Variants in SENP1 observed in about 807,000 individuals in gnomAD.
The protein encoded by SENP1 is SUMO specific peptidase 1.
In SENP1, 21 loss-of-function variants were observed where a neutral mutation model predicts 93.0. The ratio of observed to expected loss-of-function variants is 0.23; its 90% CI spans 0.16 to 0.33. SENP1 has a LOEUF of 0.33. Ranked by LOEUF, SENP1 falls within the 10% of genes least tolerant of loss-of-function variation. SENP1 has a pLI of 1.00. For missense variants in SENP1, 591 were observed against 758.7 expected, an observed-to-expected ratio of 0.78 and a Z score of 2.60; for synonymous variants, 256 against 259.6, an observed-to-expected ratio of 0.99 and a Z score of 0.13.
At chr12:48,092,108 A>C (rs998431080) in intron 4 of SENP1, among the ~76,000 whole-genome samples, 11 of 152,174 alleles carry the variant, frequency 7.2e-5, no homozygotes, top group African/African-American at 2.7e-4. Context: ...CAATCCAATA[A>C]AGTAATAAAG....
chr12:48,075,522 C>A (rs1420898082), intron 6 of SENP1, among the ~76,000 whole-genome samples: 1 of 152,104 alleles, frequency 6.6e-6, no homozygotes, highest in Non-Finnish European at 1.5e-5. Context: ...GAGTATCTTG[C>A]CAACAGTTTC....
chr12:48,055,813 ATAT>A lies in SENP1; in HGVS notation c.1408-6684_1408-6682del, dbSNP rs1286182834. Reference sequence around the variant, plus strand: ...ATTTAATATATAAATAAAATATATCATATTAATATATATTTTATATATTTATAT... The same window carrying A: ...ATTTAATATATAAATAAAATATATCATAATATATATTTTATATATTTATAT... On this transcript the variant is annotated intron_variant, in intron 13 of 17. Transcript: ENST00000549518. Among the ~76,000 whole-genome samples, 10 of 145,074 alleles carry A rather than the reference ATAT, an allele frequency of 6.9e-5. No individual in the cohort carries two copies. In the South Asian group the frequency reaches 1.1e-3, roughly 15 times the overall value.
intron 1 of SENP1, among the ~76,000 whole-genome samples, chr12:48,104,415 T>C (rs985875491): frequency 6.6e-6 from 1 of 152,112 alleles, no homozygotes; most frequent in Admixed American, 6.5e-5. Flanking sequence ...GAAAAACAAT[T>C]ATGTGTACAA....
intron 6 of SENP1, among the ~76,000 whole-genome samples, chr12:48,076,814 T>C (rs977386132): frequency 6.6e-6 from 1 of 151,862 alleles, no homozygotes; most frequent in African/African-American, 2.4e-5. Flanking sequence ...AGCCATTTTT[T>C]TTTATTATTT....
Position 48,045,221 on chromosome 12 carries a change from C to T in SENP1, c.*101G>A, listed in dbSNP as rs972218566. On this transcript the variant is annotated 3_prime_UTR_variant, in exon 18 of 18. Transcript: ENST00000549518. Reference sequence around the variant, plus strand: ...GCCTGGTCCAGGATCAAGGGTGTTACAACAGCAGAGGGCTGGGAGCAGCTG... The same window carrying T: ...GCCTGGTCCAGGATCAAGGGTGTTATAACAGCAGAGGGCTGGGAGCAGCTG... The T allele has an allele frequency of 9.6e-6, 9 of 941,722 alleles. No individual in the cohort carries two copies. In the South Asian group the frequency reaches 9.7e-5, roughly 10 times the overall value. The allele number at this position is 941,722 out of a possible 1,614,324, so 58.3% of individuals were successfully genotyped here.
chr12:48,054,991 C>T (rs1158481272), intron 13 of SENP1: 2 of 223,676 alleles, frequency 8.9e-6, no homozygotes, highest in Non-Finnish European at 1.9e-5. Context: ...GATGACACAA[C>T]TGCTGCCCTC....
intron 9 of SENP1, among the ~76,000 whole-genome samples, chr12:48,068,042 T>A (rs11168381): frequency 1.3e-5 from 2 of 152,178 alleles, no homozygotes; most frequent in Admixed American, 6.5e-5. Flanking sequence ...TTCTTTTTTT[T>A]ATTTTTATTT....
intron 13 of SENP1, among the ~76,000 whole-genome samples, chr12:48,057,375 G>A (rs1234636186): frequency 6.8e-6 from 1 of 146,656 alleles, no homozygotes. Flanking sequence ...GATTACAGGC[G>A]CCTGCCACCA....
rs147434939 is a variant in SENP1, at chr12:48,052,909, G to A, written c.1408-3777C>T. On this transcript the variant is annotated intron_variant, in intron 13 of 17. Transcript: ENST00000549518. ...TAGTTCTGATCGTTTTATTCTACAC[G>A]TAAGTGTACAGCAATGGTGGATTCA... 2.2e-4 allele frequency among the ~76,000 whole-genome samples: 33 copies of A among 152,200 alleles called. No homozygotes were observed. The East Asian group carries it at 5.8e-3, about 27-fold the overall frequency.
intron 4 of SENP1, among the ~76,000 whole-genome samples, chr12:48,093,375 C>T (rs1186029898): frequency 6.6e-6 from 1 of 151,214 alleles, no homozygotes; most frequent in Non-Finnish European, 1.5e-5. Flanking sequence ...CCTCCACCTC[C>T]TGGGTTCAAG....
At position 48,091,187 on chromosome 12, in the gene SENP1, C is replaced by T. The variant is rs150076614; in HGVS notation, c.221-2227G>A. On this transcript the variant is annotated intron_variant, in intron 4 of 17. Transcript: ENST00000549518. ...TGTCAAGACTGGGTGTGGTAGCTCA[C>T]GCCTGTAATCCCAACACTTTGGGAG... Among the ~76,000 whole-genome samples the T allele has an allele frequency of 1.2e-3, 180 of 152,222 alleles. 1 individual carries two copies. Among genetic ancestry groups the T allele is most frequent in the East Asian group, 4.2e-3 (22 of 5,180 alleles).
intron 6 of SENP1, among the ~76,000 whole-genome samples, chr12:48,078,433 T>G (rs1267228793): frequency 6.7e-6 from 1 of 150,312 alleles, no homozygotes; most frequent in African/African-American, 2.4e-5. Flanking sequence ...ACACATACAC[T>G]GTATTCATTT....
At chr12:48,078,427 A>G in intron 6 of SENP1, among the ~76,000 whole-genome samples, 1 of 150,640 alleles carries the variant, frequency 6.6e-6, no homozygotes, top group Non-Finnish European at 1.5e-5. Flanking sequence ...ACACATACAC[A>G]TACACTGTAT....
chr12:48,105,107 C>A, intron 1 of SENP1: 1 of 218,084 alleles, frequency 4.6e-6, no homozygotes, highest in South Asian at 6.1e-5. Flanking sequence ...CCAGAATAAC[C>A]AATTATAACA....
intron 4 of SENP1, among the ~76,000 whole-genome samples, chr12:48,089,778 C>T (rs1285498511): frequency 2.0e-5 from 3 of 152,182 alleles, no homozygotes; most frequent in Admixed American, 6.5e-5. Context: ...AGTTATGGAA[C>T]TCTAAGGAGC....
chr12:48,055,645 G>C (rs1414064921), intron 13 of SENP1: 1 of 151,862 alleles, frequency 6.6e-6, no homozygotes, highest in East Asian at 1.9e-4. Flanking sequence ...CTTGAAATGT[G>C]ACTAATCCAA....
intron 8 of SENP1, among the ~76,000 whole-genome samples, chr12:48,073,667 G>A (rs569941211): frequency 2.0e-5 from 3 of 152,254 alleles, no homozygotes; most frequent in South Asian, 4.1e-4. Flanking sequence ...TGAAAGTTAC[G>A]TAGAAAACTT....
intron 1 of SENP1, among the ~76,000 whole-genome samples, chr12:48,104,226 A>AATATAT (rs757263185): frequency 3.7e-5 from 2 of 53,678 alleles, no homozygotes; most frequent in Non-Finnish European, 3.3e-5. Context: ...AGAAGAAAAA[A>AATATAT]ATATATATAG....
At chr12:48,047,094 G>A (rs756761609) in intron 15 of SENP1, 32 bp from the exon 16 acceptor site, 16 of 1,402,302 alleles carry the variant, frequency 1.1e-5, no homozygotes, top group Non-Finnish European at 1.6e-5. Flanking sequence ...GAGATAAGCA[G>A]TGGGGAACAT....
Sources: allele counts gnomAD v4.1 joint callset (sites outside exome capture counted in the v4.1 genomes callset), GRCh38; gene constraint gnomAD v4.1.1; transcripts MANE v1.5; gene names NCBI Gene and HGNC (gene_info 2026-07-23, HGNC 2026-07-21).